The following IGFL2 variants were observed in gnomAD, a reference collection of about 807,000 sequenced individuals.
IGFL2 encodes insulin growth factor-like family member 2.
In IGFL2, 7 loss-of-function variants were observed where a neutral mutation model predicts 13.9. That is an observed-to-expected ratio of 0.51 (90% confidence interval 0.29 to 0.95). The LOEUF is 0.95. Among genes scored for constraint, IGFL2 ranks in the 40% least tolerant of loss-of-function variants. IGFL2 has a pLI of 0.08. For synonymous variants in IGFL2, 55 were observed against 55.8 expected, an observed-to-expected ratio of 0.99 and a Z score of 0.07; for missense variants, 138 against 147.8, an observed-to-expected ratio of 0.93 and a Z score of 0.34.
chr19:46,083,286 C>T, the IGFL2 span, among the ~76,000 whole-genome samples: 2,051 of 152,182 alleles, frequency 0.013, 32 homozygotes, highest in Middle Eastern at 0.027. Context: ...CAACTTAAAT[C>T]GTTTTCAACA....
chr19:46,174,172 G>C, the IGFL2 span: 1 of 152,234 alleles, frequency 6.6e-6, no homozygotes, highest in Non-Finnish European at 1.5e-5. Flanking sequence ...AAAAGCACAA[G>C]TGAGCTATCA....
the IGFL2 span, among the ~76,000 whole-genome samples, chr19:46,091,878 T>C: frequency 6.6e-6 from 1 of 152,238 alleles, no homozygotes; most frequent in Non-Finnish European, 1.5e-5. Flanking sequence ...GATAAATTTT[T>C]ATATAAAAAT....
Position 46,160,750 on chromosome 19 carries a change from C to T in IGFL2, c.210C>T (p.Cys70=). The T allele has an allele frequency of 2.5e-6, 4 of 1,614,122 alleles. No individual in the cohort carries two copies. Among genetic ancestry groups the T allele is most frequent in the Non-Finnish European group, 3.4e-6 (4 of 1,180,016 alleles). Residue 70 remains cysteine, a synonymous_variant, in exon 3 of 4, where the codon TGC becomes TGT. Coordinates refer to ENST00000377693, the MANE Select transcript of IGFL2 (RefSeq NM_001135113.2). ...AGACCCGCCAATGTGGTCCCCCCTG[C>T]ACCTTCTGGCCCTGCTTTGAGCTCT... ...LSETRQCGPP[C]TFWPCFELCC... is the part of the protein sequence containing the mutation.
the IGFL2 span, among the ~76,000 whole-genome samples, chr19:46,108,453 A>G: frequency 7.9e-5 from 12 of 152,204 alleles, no homozygotes; most frequent in Non-Finnish European, 1.3e-4. Context: ...GCAGAAGAAA[A>G]TAAAATGCTT....
chr19:46,178,063 G>C, the IGFL2 span, among the ~76,000 whole-genome samples: 1 of 152,068 alleles, frequency 6.6e-6, no homozygotes, highest in Non-Finnish European at 1.5e-5. Context: ...TGGATCATGA[G>C]GTCAGGAGTT....
At chr19:46,079,541 C>T in the IGFL2 span, among the ~76,000 whole-genome samples, 30 of 152,170 alleles carry the variant, frequency 2.0e-4, no homozygotes, top group African/African-American at 7.0e-4. Flanking sequence ...TTCTTTGCCC[C>T]TGGCCATGAT....
At chr19:46,152,341 A>G (rs1973547485) in intron 1 of IGFL2, among the ~76,000 whole-genome samples, 1 of 149,552 alleles carries the variant, frequency 6.7e-6, no homozygotes, top group Non-Finnish European at 1.5e-5. Context: ...CAGTGGTGTG[A>G]TCATAGCTCA....
At chr19:46,111,077 CATGAT>C in the IGFL2 span, 1 of 152,320 alleles carries the variant, frequency 6.6e-6, no homozygotes, top group Non-Finnish European at 1.5e-5. Context: ...AGTTATCTTA[CATGAT>C]GTAAGTACCG....
chr19:46,204,426 T>C, the IGFL2 span, among the ~76,000 whole-genome samples: 1 of 152,078 alleles, frequency 6.6e-6, no homozygotes, highest in Non-Finnish European at 1.5e-5. Context: ...ATAGAGGGAA[T>C]AGGGTGAGAA....
At chr19:46,107,691 G>T in the IGFL2 span, among the ~76,000 whole-genome samples, 3 of 151,518 alleles carry the variant, frequency 2.0e-5, no homozygotes, top group Non-Finnish European at 4.4e-5. Context: ...CCTTGAAGGC[G>T]AGGTTAATTA....
the IGFL2 span, chr19:46,120,493 A>G: frequency 2.3e-6 from 3 of 1,286,848 alleles, 1 homozygote; most frequent in Non-Finnish European, 3.2e-6. Context: ...TATCAACAGA[A>G]GGACACAGTC....
the IGFL2 span, among the ~76,000 whole-genome samples, chr19:46,119,568 C>T: frequency 7.0e-5 from 10 of 141,980 alleles, no homozygotes; most frequent in African/African-American, 1.1e-4. Context: ...GCTTAGTTGA[C>T]GTCCAAGTTC....
chr19:46,079,518 A>G, the IGFL2 span, among the ~76,000 whole-genome samples: 4 of 152,142 alleles, frequency 2.6e-5, no homozygotes, highest in Admixed American at 1.3e-4. Flanking sequence ...CCCAAGTCAC[A>G]CGGGCTCAGA....
chr19:46,125,965 A>T, the IGFL2 span, among the ~76,000 whole-genome samples: 1 of 152,236 alleles, frequency 6.6e-6, no homozygotes, highest in African/African-American at 2.4e-5. Context: ...TTAATTTTTC[A>T]TCTTACAGAA....
At chr19:46,140,474 T>C (rs1258971425), upstream of IGFL2, among the ~76,000 whole-genome samples, 1 of 152,020 alleles carries the variant, frequency 6.6e-6, no homozygotes, top group East Asian at 1.9e-4. Flanking sequence ...GCCAAAGAGT[T>C]CAAGTCTAAC....
chr19:46,206,076 A>G, the IGFL2 span, among the ~76,000 whole-genome samples: 2 of 152,208 alleles, frequency 1.3e-5, no homozygotes, highest in South Asian at 4.1e-4. Flanking sequence ...TGTAGAGAGA[A>G]GAGTCCAACC....
At chr19:46,192,390 G>T in the IGFL2 span, among the ~76,000 whole-genome samples, 1 of 150,978 alleles carries the variant, frequency 6.6e-6, no homozygotes, top group Non-Finnish European at 1.5e-5. Context: ...TATTTTGTTT[G>T]TTATAACTTT....
At chr19:46,180,180 C>CT in the IGFL2 span, among the ~76,000 whole-genome samples, 82,355 of 141,146 alleles carry the variant, frequency 0.58, 26,572 homozygotes, top group Non-Finnish European at 0.75. Context: ...TGATATTTTT[C>CT]TTTTTTTTTT....
chr19:46,198,714 C>A, the IGFL2 span, among the ~76,000 whole-genome samples: 596 of 152,228 alleles, frequency 3.9e-3, 3 homozygotes, highest in African/African-American at 0.012. Context: ...GAGAGATCAG[C>A]CCCTTCAATT....
Sources: allele counts gnomAD v4.1 joint callset (sites outside exome capture counted in the v4.1 genomes callset), GRCh38; gene constraint gnomAD v4.1.1; transcripts MANE v1.5; gene names NCBI Gene and HGNC (gene_info 2026-07-23, HGNC 2026-07-21).